Variants in ABL2 observed in about 807,000 individuals in gnomAD.
The protein encoded by ABL2 is ABL proto-oncogene 2, non-receptor tyrosine kinase.
Under a neutral mutation model 107.7 loss-of-function variants are expected in ABL2, and 49 were observed. That is an observed-to-expected ratio of 0.45 (90% CI 0.36 to 0.58). The LOEUF is 0.58. Among genes scored for constraint, ABL2 ranks in the 20% least tolerant of loss-of-function variants. The probability of loss-of-function intolerance (pLI) is 0.00; values close to 1 mark genes in which losing one functional copy is unlikely to be tolerated. For synonymous variants in ABL2, 549 were observed against 548.6 expected (o/e 1.00, Z -0.01); for missense variants, 1,245 against 1,457.0 (o/e 0.85, Z 2.37).
At chr1:179,158,934 G>A (rs1658875136) in intron 1 of ABL2, among the ~76,000 whole-genome samples, 1 of 152,074 alleles carries the variant, frequency 6.6e-6, no homozygotes, top group Non-Finnish European at 1.5e-5. Context: ...CCCATTTATT[G>A]AGTACCTAAC....
intron 1 of ABL2, among the ~76,000 whole-genome samples, chr1:179,163,324 T>C (rs1191606270): frequency 6.6e-6 from 1 of 152,170 alleles, no homozygotes; most frequent in Non-Finnish European, 1.5e-5. Flanking sequence ...GTTGGGCAGT[T>C]TGTTATAAAG....
chr1:179,206,980 T>C (rs1662007528), intron 1 of ABL2, among the ~76,000 whole-genome samples: 1 of 152,120 alleles, frequency 6.6e-6, no homozygotes, highest in East Asian at 1.9e-4. Context: ...AACCTTGCAG[T>C]TCCTGAAAGA....
chr1:179,110,621 G>C, intron 10 of ABL2, 166 bp from the exon 11 acceptor site: 1 of 1,517,042 alleles, frequency 6.6e-7, no homozygotes, highest in Non-Finnish European at 8.8e-7. Flanking sequence ...CTTTCGCCCA[G>C]TATCATGTGT....
intron 1 of ABL2, among the ~76,000 whole-genome samples, chr1:179,163,709 C>T (rs1263859565): frequency 1.3e-5 from 2 of 151,872 alleles, no homozygotes; most frequent in Admixed American, 6.6e-5. Flanking sequence ...ATCGCGCCAC[C>T]GCACTCCAGT....
Position 179,155,859 on chromosome 1 carries a change from A to G in ABL2, c.158-22485T>C, listed in dbSNP as rs1392134076. On this transcript the variant is annotated intron_variant, in intron 1 of 11. Transcript: ENST00000502732. ...TCTTGGAACAACCTTATTTGGACCAAAAATTGAATACACAGTGTCCTTCCC... is the reference window on the plus strand; with the variant it reads ...TCTTGGAACAACCTTATTTGGACCAGAAATTGAATACACAGTGTCCTTCCC... Among the ~76,000 whole-genome samples the G allele has an allele frequency of 2.0e-5, 3 of 152,332 alleles. No homozygotes were observed. In the East Asian group the frequency reaches 5.8e-4, roughly 29 times the overall value.
intron 1 of ABL2, among the ~76,000 whole-genome samples, chr1:179,157,211 G>A (rs1286766411): frequency 3.9e-5 from 6 of 152,042 alleles, no homozygotes; most frequent in African/African-American, 1.4e-4. Context: ...TCAAATTAGG[G>A]ATACGGTCTG....
At chr1:179,229,187 GACCCC>G in intron 1 of ABL2, 49 bp downstream of exon 1, 1 of 120,774 alleles carries the variant, frequency 8.3e-6, no homozygotes, top group Non-Finnish European at 1.2e-5. Context: ...ACCCCGCCCC[GACCCC>G]ACCCCCGGCC....
At chr1:179,193,389 G>T (rs893707153) in intron 1 of ABL2, among the ~76,000 whole-genome samples, 1 of 151,324 alleles carries the variant, frequency 6.6e-6, no homozygotes, top group African/African-American at 2.4e-5. Flanking sequence ...TAAGCAAGTG[G>T]GATTTAATTT....
intron 1 of ABL2, chr1:179,196,466 G>C (rs1026003278): frequency 6.6e-6 from 1 of 152,210 alleles, no homozygotes; most frequent in African/African-American, 2.4e-5. Context: ...AAGATTTAAA[G>C]ATGGTAATCC....
Position 179,108,632 on chromosome 1 carries a change from C to T in ABL2, c.2635G>A (p.Val879Met), listed in dbSNP as rs957491072. 4.3e-6 allele frequency: 7 copies of T among 1,614,208 alleles called. No homozygotes were observed. The highest frequency in any genetic ancestry group is 4.5e-5 in the East Asian group (2 of 44,870). Reference sequence around the variant, plus strand: ...GCAGCTGCCACTCCAGCCACTCCCACCCCTGGAGGGTCCTTCTCTGTAATG... The same window carrying T: ...GCAGCTGCCACTCCAGCCACTCCCATCCCTGGAGGGTCCTTCTCTGTAATG... ...LAITEKDPPG[V>M]GVAGVAAAPK... is the part of the protein sequence containing the mutation. The change falls in exon 12 of 12, where the codon GTG becomes ATG. Residue 879 changes from valine to methionine, a missense_variant. Physicochemically the swap from Val to Met is conservative, Grantham distance 21. Around this residue, in one of 3 missense-constraint regions of ABL2, gnomAD observed 761 missense variants for 766.4 expected, o/e 0.99. Coordinates refer to ENST00000502732, the MANE Select transcript of ABL2 (RefSeq NM_007314.4).
In ABL2 at chr1:179,110,289, T is replaced by A; in HGVS notation, c.1818A>T (p.Leu606Phe). 5 of 1,614,198 alleles carry A rather than the reference T, an allele frequency of 3.1e-6. No homozygotes were observed. The highest frequency in any genetic ancestry group is 4.2e-6 in the Non-Finnish European group (5 of 1,180,022). The change falls in exon 11 of 12, where the codon TTA becomes TTT. Residue 606 changes from leucine (L) to phenylalanine (F), a missense_variant. Leu to Phe is a conservative substitution (Grantham distance 22). Around this residue, in one of 3 missense-constraint regions of ABL2, gnomAD observed 761 missense variants for 766.4 expected, o/e 0.99. Coordinates refer to ENST00000502732, the MANE Select transcript of ABL2 (RefSeq NM_007314.4). ...CTGCTAAGGGACCCATACCTGGTGC[T>A]AAACTGGAAGCAGAATTTTCTGTGG... ...QDATENSASS[L>F]APGFIRGAQA... is the part of the protein sequence containing the mutation.
At chr1:179,147,545 T>C (rs1658081738) in intron 1 of ABL2, among the ~76,000 whole-genome samples, 1 of 152,214 alleles carries the variant, frequency 6.6e-6, no homozygotes, top group African/African-American at 2.4e-5. Flanking sequence ...TAAAGAAGAA[T>C]AAAATCATGT....
intron 2 of ABL2, 112 bp from the exon 3 acceptor site, chr1:179,131,593 C>A (rs1365292854): frequency 1.9e-6 from 2 of 1,077,720 alleles, no homozygotes; most frequent in East Asian, 4.9e-5. Context: ...TAGGAAAGAA[C>A]TGTACAGTAT....
intron 1 of ABL2, among the ~76,000 whole-genome samples, chr1:179,226,512 T>C (rs985680050): frequency 6.6e-6 from 1 of 152,062 alleles, no homozygotes; most frequent in African/African-American, 2.4e-5. Flanking sequence ...TTTCACCATG[T>C]TGCTCAGGCT....
intron 1 of ABL2, among the ~76,000 whole-genome samples, chr1:179,178,169 G>A (rs573777012): frequency 5.3e-5 from 8 of 151,348 alleles, no homozygotes; most frequent in East Asian, 2.0e-4. Context: ...AGGCTGAGGC[G>A]GATAGATCAC....
chr1:179,210,524 A>G (rs1047262883), intron 1 of ABL2, among the ~76,000 whole-genome samples: 3 of 151,296 alleles, frequency 2.0e-5, no homozygotes, highest in South Asian at 2.1e-4. Flanking sequence ...AAAAAGAAAA[A>G]AAAAAGCTTT....
intron 1 of ABL2, among the ~76,000 whole-genome samples, chr1:179,198,278 A>T (rs1360376839): frequency 6.6e-6 from 1 of 152,144 alleles, no homozygotes; most frequent in Non-Finnish European, 1.5e-5. Flanking sequence ...ACGATAAAAT[A>T]AATGAGACAA....
intron 9 of ABL2, among the ~76,000 whole-genome samples, chr1:179,114,586 T>C (rs370966785): frequency 2.0e-5 from 3 of 152,224 alleles, no homozygotes; most frequent in Admixed American, 6.5e-5. Flanking sequence ...TTTTATCTAG[T>C]TGAAAACGGC....
In ABL2 at chr1:179,127,890, G is replaced by A. The variant is rs544720161; in HGVS notation, c.392-1218C>T. Among the ~76,000 whole-genome samples, 5 of 152,084 alleles carry A rather than the reference G, an allele frequency of 3.3e-5. No individual in the cohort carries two copies. In the South Asian group the frequency reaches 1.0e-3, roughly 32 times the overall value. On this transcript the variant is annotated intron_variant, in intron 3 of 11. Transcript: ENST00000502732. ...CTACCAAAAATACAAAAAATTAGCC[G>A]GGTGTGATAGTCTGCATGCCTGTAA... is the stretch of plus-strand genomic sequence containing the variant.
Sources: gnomAD v4.1 joint callset for allele counts (sites outside exome capture counted in the v4.1 genomes callset) on GRCh38, gnomAD v4.1.1 for gene constraint, gnomAD v4.1.1 regional missense constraint, MANE v1.5 for transcripts, NCBI Gene and HGNC (gene_info 2026-07-23, HGNC 2026-07-21) for gene names.